PKNOX2: variants seen among roughly 807,000 people sequenced by gnomAD.
PKNOX2 encodes homeobox protein PKNOX2.
Under a neutral mutation model 53.1 loss-of-function variants are expected in PKNOX2, and 14 were observed. That is an observed-to-expected ratio of 0.26 (90% CI 0.17 to 0.41). The LOEUF (loss-of-function observed/expected upper bound fraction) is 0.41, where lower values mean the gene tolerates loss of function less well. Among genes scored for constraint, PKNOX2 ranks in the 10% least tolerant of loss-of-function variants. PKNOX2 has a pLI of 1.00. For synonymous variants in PKNOX2, 257 were observed against 242.8 expected (o/e 1.06, Z -0.54); for missense variants, 496 against 602.8 (o/e 0.82, Z 1.85).
intron 1 of PKNOX2, among the ~76,000 whole-genome samples, chr11:125,212,122 T>C (rs1403811660): frequency 6.6e-6 from 1 of 152,148 alleles, no homozygotes; most frequent in Non-Finnish European, 1.5e-5. Flanking sequence ...GGAGACTGTC[T>C]GAAATTGCTC....
intron 2 of PKNOX2, among the ~76,000 whole-genome samples, chr11:125,315,846 C>T (rs978748108): frequency 3.9e-5 from 6 of 151,906 alleles, no homozygotes; most frequent in African/African-American, 1.5e-4. Flanking sequence ...TAAAGCTGTC[C>T]TCTGGCTCTA....
At position 125,184,754 on chromosome 11, in the gene PKNOX2, G is replaced by A. The variant is rs143789220; in HGVS notation, c.-201+19978G>A. On this transcript the variant is annotated intron_variant, in intron 1 of 12. Coordinates refer to ENST00000298282, the MANE Select transcript of PKNOX2 (RefSeq NM_001382323.2). Reference sequence around the variant, plus strand: ...CTGATTGCTTTCCTGGCCTTGTGTCGGAGGCTGGCTAGGCTGGCATCTGTC... The same window carrying A: ...CTGATTGCTTTCCTGGCCTTGTGTCAGAGGCTGGCTAGGCTGGCATCTGTC... 1.1e-4 allele frequency among the ~76,000 whole-genome samples: 17 copies of A among 152,244 alleles called. No individual in the cohort carries two copies. In the East Asian group the frequency reaches 1.9e-3, roughly 17 times the overall value.
intron 2 of PKNOX2, among the ~76,000 whole-genome samples, chr11:125,282,463 G>A (rs1381175053): frequency 6.6e-6 from 1 of 152,162 alleles, no homozygotes; most frequent in Admixed American, 6.5e-5. Context: ...GTCACCTGGA[G>A]GGCTTGTAAA....
intron 6 of PKNOX2, among the ~76,000 whole-genome samples, chr11:125,393,003 A>T (rs921630860): frequency 2.0e-5 from 3 of 150,452 alleles, no homozygotes; most frequent in African/African-American, 7.4e-5. Flanking sequence ...CTAAAAATAC[A>T]TAAAAAAAAA....
rs555514081 is a variant in PKNOX2 at position 125,376,943 on chromosome 11, T to C, written c.228-8608T>C. Among the ~76,000 whole-genome samples the C allele has an allele frequency of 9.9e-5, 15 of 151,558 alleles. No homozygotes were observed. In the East Asian group the frequency reaches 2.9e-3, roughly 29 times the overall value. On this transcript the variant is annotated intron_variant, in intron 5 of 12. Coordinates refer to ENST00000298282, the MANE Select transcript of PKNOX2 (RefSeq NM_001382323.2). ...AAGAAAACGAGGTTCGAAGTTCTGA[T>C]AAATTGTAAGATGCCTCTCCCTCCT...
intron 1 of PKNOX2, among the ~76,000 whole-genome samples, chr11:125,183,800 A>C (rs1956294178): frequency 6.6e-6 from 1 of 152,200 alleles, no homozygotes; most frequent in Admixed American, 6.5e-5. Flanking sequence ...TACTGAGCTG[A>C]GGGCATCAGC....
intron 4 of PKNOX2, among the ~76,000 whole-genome samples, chr11:125,353,368 C>T (rs780079699): frequency 9.9e-5 from 15 of 152,228 alleles, no homozygotes; most frequent in Non-Finnish European, 1.3e-4. Flanking sequence ...TTTGGTTTGG[C>T]GGGGATTAGC....
chr11:125,387,007 AC>A (rs1471977195), intron 6 of PKNOX2, among the ~76,000 whole-genome samples: 1 of 152,018 alleles, frequency 6.6e-6, no homozygotes, highest in African/African-American at 2.4e-5. Flanking sequence ...CCCCAAAGCC[AC>A]CTTTTTTCAT....
At chr11:125,289,140 C>T (rs551897415) in intron 2 of PKNOX2, among the ~76,000 whole-genome samples, 42 of 152,318 alleles carry the variant, frequency 2.8e-4, no homozygotes, top group African/African-American at 9.4e-4. Context: ...AGGAAATCCT[C>T]AGCCTTCAAG....
At position 125,358,262 on chromosome 11, in the gene PKNOX2, A is replaced by G. The variant is rs1360063304; in HGVS notation, c.87+6870A>G. Among the ~76,000 whole-genome samples, 3 of 152,346 alleles carry G rather than the reference A, an allele frequency of 2.0e-5. No individual in the cohort carries two copies. In the East Asian group the frequency reaches 5.8e-4, roughly 29 times the overall value. On this transcript the variant is annotated intron_variant, in intron 4 of 12. Transcript: ENST00000298282. The stretch of plus-strand genomic sequence containing the variant: ...TGAACACCCCCTTACACACACGCAC[A>G]CACATAGATGTGCACACACAGGGAT...
chr11:125,192,697 T>TGG (rs1315810106), intron 1 of PKNOX2, among the ~76,000 whole-genome samples: 6 of 152,178 alleles, frequency 3.9e-5, no homozygotes, highest in Non-Finnish European at 7.4e-5. Flanking sequence ...ATTTTCTGGA[T>TGG]GGGGAACCCA....
chr11:125,312,120 G>A (rs1047477220), intron 2 of PKNOX2, among the ~76,000 whole-genome samples: 7 of 152,162 alleles, frequency 4.6e-5, no homozygotes, highest in Non-Finnish European at 8.8e-5. Flanking sequence ...AAAACAGTGC[G>A]TAACTTTCCT....
intron 7 of PKNOX2, among the ~76,000 whole-genome samples, chr11:125,407,803 AT>A (rs1955207866): frequency 6.6e-6 from 1 of 152,168 alleles, no homozygotes; most frequent in African/African-American, 2.4e-5. Flanking sequence ...CAAATATAAT[AT>A]CAGCACGGTT....
intron 5 of PKNOX2, among the ~76,000 whole-genome samples, chr11:125,375,088 T>G (rs1331399740): frequency 2.0e-5 from 3 of 152,222 alleles, no homozygotes; most frequent in Non-Finnish European, 4.4e-5. Flanking sequence ...CTGATCCATT[T>G]CATGGTTGAG....
intron 4 of PKNOX2, among the ~76,000 whole-genome samples, chr11:125,362,686 A>G (rs1475514104): frequency 6.6e-6 from 1 of 152,158 alleles, no homozygotes; most frequent in East Asian, 1.9e-4. Flanking sequence ...ATATTTTATT[A>G]GCTTATTAGA....
intron 7 of PKNOX2, among the ~76,000 whole-genome samples, chr11:125,407,441 T>A (rs984911304): frequency 6.6e-6 from 1 of 152,230 alleles, no homozygotes; most frequent in Admixed American, 6.5e-5. Context: ...TGTTGGGTAC[T>A]TTTTTGGGGG....
chr11:125,360,086 C>T (rs917061565), intron 4 of PKNOX2, among the ~76,000 whole-genome samples: 6 of 148,066 alleles, frequency 4.1e-5, no homozygotes, highest in Admixed American at 6.9e-5. Flanking sequence ...GCAGAGGTTG[C>T]GGTGAGCCGA....
chr11:125,183,735 G>A (rs542026080), intron 1 of PKNOX2, among the ~76,000 whole-genome samples: 1 of 125,972 alleles, frequency 7.9e-6, no homozygotes, highest in Non-Finnish European at 1.8e-5. Context: ...TTCACAAAAA[G>A]AGATGATTTT....
chr11:125,216,124 A>G (rs1940469353), intron 1 of PKNOX2, among the ~76,000 whole-genome samples: 1 of 152,206 alleles, frequency 6.6e-6, no homozygotes, highest in Non-Finnish European at 1.5e-5. Flanking sequence ...TTAAACAACG[A>G]TATCTATTTT....
Sources: allele counts gnomAD v4.1 joint callset (sites outside exome capture counted in the v4.1 genomes callset), GRCh38; gene constraint gnomAD v4.1.1; transcripts MANE v1.5; gene names NCBI Gene and HGNC (gene_info 2026-07-23, HGNC 2026-07-21).